AMPH: variants seen among roughly 807,000 people sequenced by gnomAD.
AMPH encodes the protein amphiphysin (Stiff-Mann syndrome with breast cancer 128kD autoantigen).
A neutral mutation model predicts 99.1 loss-of-function variants in AMPH; 49 were observed. That is an observed-to-expected ratio of 0.49 (90% CI 0.39 to 0.63). The LOEUF is 0.63. Among genes scored for constraint, AMPH ranks in the 20% least tolerant of loss-of-function variants. The pLI is 0.00. For missense variants in AMPH, 759 were observed against 863.4 expected, an observed-to-expected ratio of 0.88 and a Z score of 1.52; for synonymous variants, 314 against 317.3, an observed-to-expected ratio of 0.99 and a Z score of 0.11.
At position 38,454,543 on chromosome 7, in the gene AMPH, A is replaced by C. The variant is rs112886856; in HGVS notation, c.1017+6740T>G. ...AATTCTTGAGTCAATTAAAAAAAAA[A>C]ACACAAAAAACAGCCACTAGCAGGA... On this transcript the variant is annotated intron_variant, in intron 11 of 20. Coordinates refer to ENST00000356264, the MANE Select transcript of AMPH (RefSeq NM_001635.4). 3.3e-3 allele frequency among the ~76,000 whole-genome samples: 495 copies of C among 152,186 alleles called. 2 individuals carry two copies. The highest frequency in any genetic ancestry group is 0.011 in the African/African-American group (459 of 41,538).
At chr7:38,578,363 A>C (rs1792322558) in intron 1 of AMPH, among the ~76,000 whole-genome samples, 1 of 152,240 alleles carries the variant, frequency 6.6e-6, no homozygotes, top group Non-Finnish European at 1.5e-5. Context: ...TGGGAAATAC[A>C]TGTGCAGAAA....
chr7:38,436,026 TG>T, intron 12 of AMPH, among the ~76,000 whole-genome samples: 1 of 152,278 alleles, frequency 6.6e-6, no homozygotes, highest in South Asian at 2.1e-4. Context: ...ACAATTACTC[TG>T]GGGGAGAAAA....
At chr7:38,445,001 A>ACACACACACACACACGG (rs1325903269) in intron 11 of AMPH, among the ~76,000 whole-genome samples, 2 of 89,226 alleles carry the variant, frequency 2.2e-5, no homozygotes, top group African/African-American at 9.5e-5. Context: ...ATATATATAT[A>ACACACACACACACACGG]TATATATATA....
chr7:38,408,221 A>C (rs1348285253), intron 17 of AMPH, among the ~76,000 whole-genome samples: 1 of 152,178 alleles, frequency 6.6e-6, no homozygotes, highest in African/African-American at 2.4e-5. Flanking sequence ...CCTCCTAAAT[A>C]ATCTTTGGTT....
intron 1 of AMPH, among the ~76,000 whole-genome samples, chr7:38,540,888 T>A (rs1178035648): frequency 6.6e-6 from 1 of 151,340 alleles, no homozygotes; most frequent in Non-Finnish European, 1.5e-5. Flanking sequence ...GGGCTCCAAC[T>A]AGACAAATTT....
intron 9 of AMPH, chr7:38,464,076 T>G (rs1385165703): frequency 7.8e-7 from 1 of 1,289,758 alleles, no homozygotes; most frequent in Admixed American, 2.3e-5. Flanking sequence ...GAGATGCCAC[T>G]GAGCTCACTC....
rs762059786 is a variant in AMPH at position 38,466,266 on chromosome 7, A to T, written c.591-18T>A. The T allele has an allele frequency of 1.9e-6, 3 of 1,573,632 alleles. No homozygotes were observed. On this transcript the variant is annotated intron_variant, in intron 7 of 20. Coordinates refer to ENST00000356264, the MANE Select transcript of AMPH (RefSeq NM_001635.4). ...CAACTCGTCTGCCATGTGGAAACAC[A>T]AAGAGGAAAGAAGAGAGAGGGAAAG... is the stretch of plus-strand genomic sequence containing the variant.
rs183680997 is a variant in AMPH, at chr7:38,460,256, C to T, written c.1017+1027G>A. Among the ~76,000 whole-genome samples, 78 of 152,042 alleles carry T rather than the reference C, an allele frequency of 5.1e-4. 1 individual carries two copies. Among genetic ancestry groups the T allele is most frequent in the African/African-American group, 1.8e-3 (76 of 41,486 alleles). On this transcript the variant is annotated intron_variant, in intron 11 of 20. Transcript: ENST00000356264. ...AGTGTTGGTGGGAATAGAATTGGTGCAACTAGTACAGAAAACAGTAGGGAG... is the reference window on the plus strand; with the variant it reads ...AGTGTTGGTGGGAATAGAATTGGTGTAACTAGTACAGAAAACAGTAGGGAG...
intron 1 of AMPH, among the ~76,000 whole-genome samples, chr7:38,567,733 C>G (rs1584253921): frequency 6.6e-6 from 1 of 152,120 alleles, no homozygotes; most frequent in East Asian, 1.9e-4. Flanking sequence ...TTGCACTATT[C>G]AGAAAAGCTC....
chr7:38,555,164 T>G (rs1398364571), intron 1 of AMPH, among the ~76,000 whole-genome samples: 1 of 151,988 alleles, frequency 6.6e-6, no homozygotes, highest in East Asian at 1.9e-4. Context: ...ATGCAGTTCT[T>G]TGGGAGACCA....
At chr7:38,417,352 T>C (rs868501878) in intron 17 of AMPH, among the ~76,000 whole-genome samples, 2 of 152,224 alleles carry the variant, frequency 1.3e-5, no homozygotes, top group Non-Finnish European at 2.9e-5. Flanking sequence ...TGGTGGTGCA[T>C]ATAGGAATCC....
intron 1 of AMPH, among the ~76,000 whole-genome samples, chr7:38,567,110 T>G (rs1054229308): frequency 6.6e-6 from 1 of 152,170 alleles, no homozygotes; most frequent in Non-Finnish European, 1.5e-5. Flanking sequence ...TGTAGCACTA[T>G]TCACAATAGC....
chr7:38,432,228 C>T lies in AMPH; in HGVS notation c.1135-16G>A. Reference sequence around the variant, plus strand: ...AGGGCAATGTCTGAAAGCAAATAAACAAAAATACTGTTAGTTATACAAATC... The same window carrying T: ...AGGGCAATGTCTGAAAGCAAATAAATAAAAATACTGTTAGTTATACAAATC... On this transcript the variant is annotated splice_polypyrimidine_tract_variant and intron_variant, in intron 12 of 20. Coordinates refer to ENST00000356264, the MANE Select transcript of AMPH (RefSeq NM_001635.4). 1 of 1,607,864 alleles carries T rather than the reference C, an allele frequency of 6.2e-7. No individual in the cohort carries two copies. The highest frequency in any genetic ancestry group is 8.5e-7 in the Non-Finnish European group (1 of 1,174,752).
chr7:38,418,268 A>G (rs758517464), intron 16 of AMPH, among the ~76,000 whole-genome samples: 1 of 152,138 alleles, frequency 6.6e-6, no homozygotes, highest in Non-Finnish European at 1.5e-5. Flanking sequence ...TATGATAGCT[A>G]TAAGAGGTTC....
At chr7:38,410,452 T>A (rs1785181124) in intron 17 of AMPH, among the ~76,000 whole-genome samples, 1 of 152,016 alleles carries the variant, frequency 6.6e-6, no homozygotes, top group African/African-American at 2.4e-5. Flanking sequence ...AACCTCTGAG[T>A]TCACAGCCTT....
chr7:38,599,658 G>A (rs1037204074), intron 1 of AMPH, among the ~76,000 whole-genome samples: 1 of 151,908 alleles, frequency 6.6e-6, no homozygotes, highest in Non-Finnish European at 1.5e-5. Context: ...AAGGGTCAAC[G>A]GTAAATATAT....
intron 2 of AMPH, among the ~76,000 whole-genome samples, chr7:38,525,164 T>G (rs1274394444): frequency 4.0e-5 from 6 of 150,492 alleles, no homozygotes; most frequent in Non-Finnish European, 7.4e-5. Context: ...TGTGTGTATA[T>G]ATATATATAG....
intron 10 of AMPH, among the ~76,000 whole-genome samples, chr7:38,461,968 T>C (rs1787467189): frequency 6.6e-6 from 1 of 152,242 alleles, no homozygotes. Context: ...TCTATGATTT[T>C]TTTGGACTTT....
intron 5 of AMPH, among the ~76,000 whole-genome samples, chr7:38,480,481 T>G (rs1330497065): frequency 6.6e-6 from 1 of 152,160 alleles, no homozygotes; most frequent in African/African-American, 2.4e-5. Flanking sequence ...TCTGACAGAC[T>G]TTATGAGTCA....
Sources: gnomAD v4.1 joint callset for allele counts (sites outside exome capture counted in the v4.1 genomes callset) on GRCh38, gnomAD v4.1.1 for gene constraint, MANE v1.5 for transcripts, NCBI Gene and HGNC (gene_info 2026-07-23, HGNC 2026-07-21) for gene names.